The following MAGI2 variants were observed in gnomAD, a reference collection of about 807,000 sequenced individuals.
MAGI2 encodes membrane-associated guanylate kinase, WW and PDZ domain-containing protein 2.
MAGI2 carries 35 observed loss-of-function variants against 133.3 expected under a neutral mutation model. The ratio of observed to expected loss-of-function variants is 0.26; its 90% confidence interval spans 0.20 to 0.35. The LOEUF (loss-of-function observed/expected upper bound fraction) is 0.35, where lower values mean the gene tolerates loss of function less well. Ranked by LOEUF, MAGI2 falls within the 10% of genes least tolerant of loss-of-function variation. The pLI is 1.00. For missense variants in MAGI2, 1,636 were observed against 1,863.4 expected (o/e 0.88, Z 2.25); for synonymous variants, 729 against 710.6 (o/e 1.03, Z -0.41).
intron 18 of MAGI2, among the ~76,000 whole-genome samples, chr7:78,131,076 C>A (rs1012469624): frequency 6.6e-6 from 1 of 152,190 alleles, no homozygotes; most frequent in Middle Eastern, 3.2e-3. Context: ...TCGACAGTGG[C>A]AAGAAGAGTC....
chr7:78,809,817 A>T (rs1297340585), intron 2 of MAGI2, among the ~76,000 whole-genome samples: 2 of 152,286 alleles, frequency 1.3e-5, no homozygotes, highest in East Asian at 3.9e-4. Flanking sequence ...AGGATACTTG[A>T]CTTAAACAGA....
intron 1 of MAGI2, among the ~76,000 whole-genome samples, chr7:79,132,647 C>T (rs376629525): frequency 2.6e-5 from 4 of 151,856 alleles, no homozygotes; most frequent in Admixed American, 1.3e-4. Flanking sequence ...TTTTCCTTTG[C>T]GTAGATACCC....
intron 1 of MAGI2, among the ~76,000 whole-genome samples, chr7:79,393,952 C>A (rs978268440): frequency 3.3e-5 from 5 of 152,074 alleles, no homozygotes; most frequent in African/African-American, 7.2e-5. Context: ...GGGAGCCTAG[C>A]CTTAAGATGG....
At chr7:78,092,268 T>A (rs1213848509) in intron 20 of MAGI2, among the ~76,000 whole-genome samples, 1 of 152,252 alleles carries the variant, frequency 6.6e-6, no homozygotes, top group African/African-American at 2.4e-5. Flanking sequence ...TTTGCCATAA[T>A]ACTCAATGGT....
At chr7:79,269,490 A>G (rs1206165629) in intron 1 of MAGI2, among the ~76,000 whole-genome samples, 1 of 152,202 alleles carries the variant, frequency 6.6e-6, no homozygotes, top group Non-Finnish European at 1.5e-5. Flanking sequence ...TTTGGAAAAA[A>G]TAAAAATAAA....
intron 19 of MAGI2, among the ~76,000 whole-genome samples, chr7:78,126,159 A>G (rs968992390): frequency 1.2e-4 from 18 of 151,168 alleles, no homozygotes; most frequent in African/African-American, 4.2e-4. Flanking sequence ...TACTTCTCTC[A>G]TTCACTGCTA....
At chr7:78,989,213 A>G (rs988638941) in intron 2 of MAGI2, among the ~76,000 whole-genome samples, 5 of 152,138 alleles carry the variant, frequency 3.3e-5, no homozygotes, top group Admixed American at 3.3e-4. Flanking sequence ...TGTAAATAAA[A>G]ACTACCATTA....
chr7:78,291,328 C>G (rs1339867045), intron 9 of MAGI2, among the ~76,000 whole-genome samples: 3 of 152,274 alleles, frequency 2.0e-5, no homozygotes, highest in African/African-American at 7.2e-5. Flanking sequence ...ACTAGAAAAT[C>G]TAGAAGAAAT....
chr7:78,530,889 G>C (rs1201185397), intron 3 of MAGI2, among the ~76,000 whole-genome samples: 3 of 152,122 alleles, frequency 2.0e-5, no homozygotes, highest in Non-Finnish European at 2.9e-5. Context: ...TTTAATTAGA[G>C]TTAAAACTCT....
chr7:78,376,226 CA>C (rs1230557582), intron 6 of MAGI2, among the ~76,000 whole-genome samples: 12 of 152,020 alleles, frequency 7.9e-5, no homozygotes, highest in Admixed American at 7.9e-4. Context: ...ACAACTAAAC[CA>C]AAACCAAAGA....
chr7:78,584,586 T>C (rs1222697571), intron 3 of MAGI2, among the ~76,000 whole-genome samples: 2 of 152,202 alleles, frequency 1.3e-5, no homozygotes, highest in East Asian at 1.9e-4. Flanking sequence ...ACGAAACATA[T>C]GTGTGATGAA....
intron 10 of MAGI2, among the ~76,000 whole-genome samples, chr7:78,238,101 T>G (rs745604098): frequency 6.6e-6 from 1 of 152,144 alleles, no homozygotes; most frequent in Non-Finnish European, 1.5e-5. Context: ...CCTCACAAGT[T>G]ATGTGTTTTT....
At chr7:78,694,345 C>A (rs12538687) in intron 2 of MAGI2, among the ~76,000 whole-genome samples, 7,835 of 152,212 alleles carry the variant, frequency 0.051, 281 homozygotes, top group Non-Finnish European at 0.077. Context: ...CTAAAGTTTT[C>A]ATCTTTTAAA....
chr7:78,785,949 G>C (rs1783390042), intron 2 of MAGI2, among the ~76,000 whole-genome samples: 1 of 152,142 alleles, frequency 6.6e-6, no homozygotes, highest in South Asian at 2.1e-4. Flanking sequence ...ATGTGAGACA[G>C]AGGGAGACAG....
chr7:78,481,144 T>A (rs1792328145), intron 6 of MAGI2, among the ~76,000 whole-genome samples: 1 of 151,920 alleles, frequency 6.6e-6, no homozygotes, highest in Non-Finnish European at 1.5e-5. Context: ...GAACTATCAC[T>A]GTATTAGTCT....
At chr7:78,534,618 C>A (rs934662779) in intron 3 of MAGI2, among the ~76,000 whole-genome samples, 1 of 152,232 alleles carries the variant, frequency 6.6e-6, no homozygotes, top group African/African-American at 2.4e-5. Context: ...CTAACATTCA[C>A]AAATCCAAGA....
intron 6 of MAGI2, among the ~76,000 whole-genome samples, chr7:78,387,449 G>C (rs1795490431): frequency 6.6e-6 from 1 of 152,124 alleles, no homozygotes. Flanking sequence ...GAGGAGAGGA[G>C]AAACCAATTG....
chr7:78,209,481 T>G (rs1787550027), intron 10 of MAGI2, among the ~76,000 whole-genome samples: 1 of 151,720 alleles, frequency 6.6e-6, no homozygotes, highest in African/African-American at 2.4e-5. Flanking sequence ...CAGGATGGTC[T>G]TGATCTCCTG....
chr7:78,100,978 GA>G (rs34778958), intron 20 of MAGI2, among the ~76,000 whole-genome samples: 53,650 of 147,858 alleles, frequency 0.36, 11,019 homozygotes, highest in African/African-American at 0.58. Flanking sequence ...AAAATACTTA[GA>G]AAAAAAAAAG....
Sources: gnomAD v4.1 joint callset for allele counts (sites outside exome capture counted in the v4.1 genomes callset) on GRCh38, gnomAD v4.1.1 for gene constraint, MANE v1.5 for transcripts, NCBI Gene and HGNC (gene_info 2026-07-23, HGNC 2026-07-21) for gene names.